HPGD: variants seen among roughly 807,000 people sequenced by gnomAD.
HPGD encodes the protein 15-hydroxyprostaglandin dehydrogenase.
Under a neutral mutation model 30.0 loss-of-function variants are expected in HPGD, and 29 were observed. The ratio of observed to expected loss-of-function variants is 0.97; its 90% CI spans 0.72 to 1.32. HPGD has a LOEUF of 1.32. HPGD is among the 40% of genes most tolerant of loss of function. The pLI is 0.00. For missense variants in HPGD, 340 were observed against 322.1 expected (o/e 1.06, Z -0.43); for synonymous variants, 99 against 112.4 (o/e 0.88, Z 0.75).
At chr4:174,511,594 T>C (rs1380818204) in intron 3 of HPGD, among the ~76,000 whole-genome samples, 1 of 152,220 alleles carries the variant, frequency 6.6e-6, no homozygotes, top group East Asian at 1.9e-4. Context: ...ATTGCCAGCA[T>C]GAGTGTTGAT....
intron 4 of HPGD, among the ~76,000 whole-genome samples, chr4:174,505,884 T>C (rs547244175): frequency 5.9e-5 from 9 of 152,300 alleles, no homozygotes; most frequent in African/African-American, 1.9e-4. Flanking sequence ...TGTTGCCTTG[T>C]ACATGTGGAG....
chr4:174,495,881 T>A (rs965233258), intron 4 of HPGD: 11 of 488,324 alleles, frequency 2.3e-5, no homozygotes, highest in Non-Finnish European at 3.7e-5. Flanking sequence ...TGTGTTTTTC[T>A]GCCTCCCCAG....
chr4:174,508,720 T>A lies in HPGD; in HGVS notation c.397A>T (p.Ile133Phe). The change falls in exon 4 of 7, where the codon ATT becomes TTT. Residue 133 changes from isoleucine to phenylalanine, a missense_variant. Ile to Phe is a conservative substitution (Grantham distance 21, BLOSUM62 0). Coordinates refer to ENST00000296522, the MANE Select transcript of HPGD (RefSeq NM_000860.6). Reference sequence around the variant, plus strand: ...CCTGCTAAAGATGACATATTGATAATGATGCCGCCTTCACCTCCATTTTGC... The same window carrying A: ...CCTGCTAAAGATGACATATTGATAAAGATGCCGCCTTCACCTCCATTTTGC... ...SKQNGGEGGI[I>F]INMSSLAGLM... The A allele has an allele frequency of 6.2e-7, 1 of 1,607,260 alleles. No individual in the cohort carries two copies. The highest frequency in any genetic ancestry group is 1.1e-5 in the South Asian group (1 of 90,936).
chr4:174,510,667 C>G (rs1735440176), intron 3 of HPGD, among the ~76,000 whole-genome samples: 2 of 152,110 alleles, frequency 1.3e-5, no homozygotes, highest in Admixed American at 6.5e-5. Flanking sequence ...AGGTTAAGAA[C>G]TGGGTAATTT....
At chr4:174,512,969 C>A (rs769068722) in intron 3 of HPGD, among the ~76,000 whole-genome samples, 1 of 152,162 alleles carries the variant, frequency 6.6e-6, no homozygotes, top group Non-Finnish European at 1.5e-5. Flanking sequence ...AGCAAACATG[C>A]CCTCTCAGCT....
At chr4:174,503,738 T>A (rs1402926554) in intron 4 of HPGD, among the ~76,000 whole-genome samples, 1 of 151,970 alleles carries the variant, frequency 6.6e-6, no homozygotes, top group Admixed American at 6.5e-5. Flanking sequence ...TTTTTTCTTT[T>A]GAGAGACAAG....
In HPGD at chr4:174,494,667, C is replaced by G. The variant is rs187974510; in HGVS notation, c.498+881G>C. Among the ~76,000 whole-genome samples, 74 of 152,130 alleles carry G rather than the reference C, an allele frequency of 4.9e-4. No individual in the cohort carries two copies. Among genetic ancestry groups the G allele is most frequent in the Non-Finnish European group, 8.2e-4 (56 of 68,036 alleles). On this transcript the variant is annotated intron_variant, in intron 5 of 6. Coordinates refer to ENST00000296522, the MANE Select transcript of HPGD (RefSeq NM_000860.6). This position sits in a 1 kb window ranked among gnomAD's most constrained non-coding sequence, Gnocchi z 4.9. The stretch of plus-strand genomic sequence containing the variant: ...CTGTCTCCTACTAATTCTTTGATTA[C>G]TAATATTTTTCTCTTCATCTCTCTA...
chr4:174,493,007 T>C (rs1734412838), intron 6 of HPGD, 144 bp downstream of exon 6: 2 of 670,960 alleles, frequency 3.0e-6, no homozygotes, highest in Non-Finnish European at 2.4e-6. Flanking sequence ...AAAATATATT[T>C]TCTCCCAGAG....
intron 4 of HPGD, among the ~76,000 whole-genome samples, chr4:174,497,169 G>T (rs919154995): frequency 6.6e-6 from 1 of 152,116 alleles, no homozygotes; most frequent in Non-Finnish European, 1.5e-5. Flanking sequence ...TTCATATATA[G>T]CAGGAAATGC....
intron 2 of HPGD, among the ~76,000 whole-genome samples, chr4:174,521,437 T>C (rs547994033): frequency 1.3e-5 from 2 of 152,276 alleles, no homozygotes; most frequent in South Asian, 2.1e-4. Context: ...TACTGTCTCA[T>C]TGGGGAAAAA....
intron 4 of HPGD, among the ~76,000 whole-genome samples, chr4:174,502,743 C>A (rs1734983338): frequency 6.8e-6 from 1 of 147,602 alleles, no homozygotes; most frequent in Admixed American, 6.7e-5. Context: ...TAACAAAAAT[C>A]TTCCCAGAAA....
At position 174,491,748 on chromosome 4, in the gene HPGD, C is replaced by A; in HGVS notation, c.*208G>T. 3.7e-6 allele frequency: 2 copies of A among 539,416 alleles called. No individual in the cohort carries two copies. The highest frequency in any genetic ancestry group is 2.2e-5 in the South Asian group (1 of 45,020). 33.4% of individuals were successfully genotyped at this position (539,416 alleles called of 1,614,324 possible). Reference sequence around the variant, plus strand: ...ATTTTTTAGACTATCAAGATTACAACCTAGCCTTTGGTCCACATCACATTT... The same window carrying A: ...ATTTTTTAGACTATCAAGATTACAAACTAGCCTTTGGTCCACATCACATTT... On this transcript the variant is annotated 3_prime_UTR_variant, in exon 7 of 7. Coordinates refer to ENST00000296522, the MANE Select transcript of HPGD (RefSeq NM_000860.6).
At chr4:174,521,239 AC>A (rs1197272849) in intron 2 of HPGD, among the ~76,000 whole-genome samples, 4 of 151,746 alleles carry the variant, frequency 2.6e-5, no homozygotes, top group Non-Finnish European at 5.9e-5. Context: ...AAAAAAAAAA[AC>A]AGCTTTATAA....
intron 3 of HPGD, among the ~76,000 whole-genome samples, chr4:174,509,258 C>T (rs898560681): frequency 6.6e-6 from 1 of 152,064 alleles, no homozygotes; most frequent in African/African-American, 2.4e-5. Context: ...TCTTGATTTC[C>T]TAGAGGTTTT....
In HPGD at chr4:174,490,293, T is replaced by A. The variant is rs1734282199; in HGVS notation, c.*1663A>T. On this transcript the variant is annotated 3_prime_UTR_variant, in exon 7 of 7. Coordinates refer to ENST00000296522, the MANE Select transcript of HPGD (RefSeq NM_000860.6). The surrounding 1 kb of genome is among the most constrained non-coding windows in gnomAD (Gnocchi z 4.4). Reference sequence around the variant, plus strand: ...GAAGGTAAGATTTAAAGTAAGTTTTTAACTTATGTAACTCACATTTTTCAA... The same window carrying A: ...GAAGGTAAGATTTAAAGTAAGTTTTAAACTTATGTAACTCACATTTTTCAA... 6.6e-6 allele frequency: 1 copy of A among 152,360 alleles called. No homozygotes were observed. The highest frequency in any genetic ancestry group is 1.5e-5 in the Non-Finnish European group (1 of 68,036). 9.4% of individuals were successfully genotyped at this position (152,360 alleles called of 1,614,324 possible).
At chr4:174,508,521 T>A (rs1735297062) in intron 4 of HPGD, among the ~76,000 whole-genome samples, 175 bp downstream of exon 4, 1 of 152,152 alleles carries the variant, frequency 6.6e-6, no homozygotes, top group African/African-American at 2.4e-5. Context: ...TTAAGAGAAA[T>A]AAACATATTT....
intron 3 of HPGD, among the ~76,000 whole-genome samples, chr4:174,511,762 T>TCA: frequency 6.6e-6 from 1 of 152,310 alleles, no homozygotes; most frequent in Non-Finnish European, 1.5e-5. Flanking sequence ...TTCGCCTGCC[T>TCA]CAGCCTCCTG....
chr4:174,504,718 C>T (rs1032566357), intron 4 of HPGD, among the ~76,000 whole-genome samples: 1 of 151,306 alleles, frequency 6.6e-6, no homozygotes, highest in African/African-American at 2.4e-5. Context: ...GAGGCTGAGG[C>T]AGGAGAATTG....
intron 3 of HPGD, 38 bp downstream of exon 3, chr4:174,517,933 A>C (rs767238728): frequency 9.4e-7 from 1 of 1,065,550 alleles, no homozygotes; most frequent in Non-Finnish European, 1.5e-6. Context: ...CATGTTATTA[A>C]ATAATTATAG....
Sources: gnomAD v4.1 joint callset for allele counts (sites outside exome capture counted in the v4.1 genomes callset) on GRCh38, gnomAD v4.1.1 for gene constraint, Gnocchi (gnomAD v3.1) non-coding constraint, MANE v1.5 for transcripts, NCBI Gene and HGNC (gene_info 2026-07-23, HGNC 2026-07-21) for gene names.